PATJ: variants seen among roughly 807,000 people sequenced by gnomAD.
PATJ encodes the protein PATJ crumbs cell polarity complex component, also known as inaD-like protein.
In PATJ, 190 loss-of-function variants were observed where a neutral mutation model predicts 224.9. The ratio of observed to expected loss-of-function variants is 0.84; its 90% CI spans 0.75 to 0.95. The LOEUF (loss-of-function observed/expected upper bound fraction) is 0.95. Ranked by LOEUF, PATJ falls within the 40% of genes least tolerant of loss-of-function variation. The pLI, the probability that PATJ is intolerant of heterozygous loss-of-function variation, is 0.00. For synonymous variants in PATJ, 769 were observed against 820.3 expected (o/e 0.94, Z 1.07); for missense variants, 2,121 against 2,270.3 (o/e 0.93, Z 1.34).
intron 33 of PATJ, among the ~76,000 whole-genome samples, chr1:62,096,686 G>A (rs1223100082): frequency 6.6e-6 from 1 of 152,136 alleles, no homozygotes; most frequent in Non-Finnish European, 1.5e-5. Context: ...CGCGATCTCA[G>A]CTCACTGCAA....
At chr1:61,818,269 T>G (rs2148695704) in intron 14 of PATJ, among the ~76,000 whole-genome samples, 1 of 152,340 alleles carries the variant, frequency 6.6e-6, no homozygotes, top group Middle Eastern at 3.4e-3. Flanking sequence ...TTGTATCCTT[T>G]ACTTATATCA....
intron 40 of PATJ, 149 bp downstream of exon 40, chr1:62,128,243 T>C: frequency 1.5e-6 from 1 of 686,200 alleles, no homozygotes; most frequent in Non-Finnish European, 2.4e-6. Context: ...ACTTGATACC[T>C]TTAGAAATTC....
intron 43 of PATJ, among the ~76,000 whole-genome samples, chr1:62,158,218 T>C (rs1452629309): frequency 6.7e-6 from 1 of 149,574 alleles, no homozygotes; most frequent in East Asian, 1.9e-4. Context: ...TTATTTCTTT[T>C]TTACCTTTTT....
intron 33 of PATJ, 69 bp downstream of exon 33, chr1:62,084,717 GCC>G: frequency 6.7e-7 from 1 of 1,500,780 alleles, no homozygotes; most frequent in Non-Finnish European, 9.2e-7. Context: ...TTGGCCCTGC[GCC>G]ACAACTCTGC....
At chr1:62,054,724 A>G (rs1439182375) in intron 31 of PATJ, among the ~76,000 whole-genome samples, 1 of 152,186 alleles carries the variant, frequency 6.6e-6, no homozygotes, top group African/African-American at 2.4e-5. Context: ...TTTGCAAAAC[A>G]GTTTCATCTA....
At position 61,861,362 on chromosome 1, in the gene PATJ, A is replaced by G. The variant is rs1664581941; in HGVS notation, c.2323-189A>G. On this transcript the variant is annotated intron_variant, in intron 18 of 43. Transcript: ENST00000642238. ...TTTCTTTTACTTTAAGTTCTGGGAT[A>G]CATGTGCAGAATGTTCAGGTTTGTT... Among the ~76,000 whole-genome samples, 3 of 124,468 alleles carry G rather than the reference A, an allele frequency of 2.4e-5. No individual in the cohort carries two copies. In the South Asian group the frequency reaches 7.3e-4, roughly 30 times the overall value. The allele number at this position is 124,468 out of a possible 152,430, so 81.7% of individuals were successfully genotyped here. A position where few individuals can be genotyped will look rare whatever the true frequency, so the allele number is the denominator to read the frequency against.
In PATJ at chr1:62,086,447, G is replaced by A. The variant is rs1286397523; in HGVS notation, c.4377+1799G>A. On this transcript the variant is annotated intron_variant, in intron 33 of 43. Transcript: ENST00000642238. This position sits in a 1 kb window ranked among gnomAD's most constrained non-coding sequence, Gnocchi z 4.0. ...CCTAAAACCAGGGCGACTCCCTAGA[G>A]ACAATCACTCTTGTTAATGAATATG... 2.0e-5 allele frequency among the ~76,000 whole-genome samples: 3 copies of A among 152,128 alleles called. No individual in the cohort carries two copies. Among genetic ancestry groups the A allele is most frequent in the Non-Finnish European group, 4.4e-5 (3 of 68,020 alleles).
chr1:62,117,503 ATTT>A, intron 37 of PATJ: 1 of 843,386 alleles, frequency 1.2e-6, no homozygotes, highest in Non-Finnish European at 1.5e-6. Flanking sequence ...AGCTGTGTTT[ATTT>A]AAAAAAAAAA....
chr1:62,074,787 A>G (rs1331438744), intron 31 of PATJ, among the ~76,000 whole-genome samples: 2 of 152,078 alleles, frequency 1.3e-5, no homozygotes, highest in East Asian at 3.9e-4. Context: ...AACATGGCAA[A>G]ACCTCATCTC....
At chr1:62,032,855 A>G (rs1164247655) in intron 29 of PATJ, among the ~76,000 whole-genome samples, 13 of 152,318 alleles carry the variant, frequency 8.5e-5, no homozygotes, top group Middle Eastern at 3.4e-3. Context: ...CAAGAAACTT[A>G]TAATCACGGC....
intron 32 of PATJ, among the ~76,000 whole-genome samples, chr1:62,083,322 A>G (rs944777190): frequency 4.6e-5 from 7 of 152,174 alleles, no homozygotes; most frequent in African/African-American, 1.2e-4. Context: ...AGGTTTCACT[A>G]TGTTGACCAG....
chr1:61,802,377 G>A (rs1652718960), intron 12 of PATJ, among the ~76,000 whole-genome samples: 1 of 152,070 alleles, frequency 6.6e-6, no homozygotes, highest in South Asian at 2.1e-4. Flanking sequence ...ATAGGCGTGA[G>A]CCACCGTGCC....
intron 22 of PATJ, among the ~76,000 whole-genome samples, chr1:61,886,432 A>G (rs975102530): frequency 6.6e-6 from 1 of 152,180 alleles, no homozygotes; most frequent in Non-Finnish European, 1.5e-5. Flanking sequence ...AGCATTGAAC[A>G]TTGTTAGTAG....
intron 1 of PATJ, among the ~76,000 whole-genome samples, chr1:61,751,693 G>C (rs1645338804): frequency 1.3e-5 from 2 of 152,108 alleles, no homozygotes; most frequent in South Asian, 4.2e-4. Context: ...AGGTATGGTG[G>C]TGCATACCTG....
At chr1:61,913,621 A>G (rs1456873818) in intron 25 of PATJ, among the ~76,000 whole-genome samples, 1 of 152,240 alleles carries the variant, frequency 6.6e-6, no homozygotes, top group East Asian at 1.9e-4. Flanking sequence ...TCATTTATAA[A>G]CATTTATTAT....
intron 8 of PATJ, among the ~76,000 whole-genome samples, chr1:61,788,545 T>C (rs1306123535): frequency 6.6e-6 from 1 of 152,238 alleles, no homozygotes; most frequent in Non-Finnish European, 1.5e-5. Context: ...GTTGCAAAAC[T>C]GGAATTTGAA....
chr1:61,888,179 A>G (rs76500971), intron 22 of PATJ, among the ~76,000 whole-genome samples: 1 of 152,226 alleles, frequency 6.6e-6, no homozygotes, highest in African/African-American at 2.4e-5. Context: ...GGAAACGCAC[A>G]GTGATAAATA....
At chr1:61,773,099 C>T (rs981084376) in intron 6 of PATJ, among the ~76,000 whole-genome samples, 8 of 152,238 alleles carry the variant, frequency 5.3e-5, no homozygotes, top group African/African-American at 1.9e-4. Flanking sequence ...CGGCTCACTG[C>T]AACCCCCGCC....
intron 27 of PATJ, among the ~76,000 whole-genome samples, chr1:61,949,716 G>A (rs977671476): frequency 5.3e-5 from 8 of 151,718 alleles, no homozygotes; most frequent in Non-Finnish European, 1.0e-4. Context: ...AGACCAGCCC[G>A]CTCAACATGG....
Sources: gnomAD v4.1 joint callset for allele counts (sites outside exome capture counted in the v4.1 genomes callset) on GRCh38, gnomAD v4.1.1 for gene constraint, Gnocchi (gnomAD v3.1) non-coding constraint, MANE v1.5 for transcripts, NCBI Gene and HGNC (gene_info 2026-07-23, HGNC 2026-07-21) for gene names.